The following POLA1 variants were observed in gnomAD, a reference collection of about 807,000 sequenced individuals.
The protein encoded by POLA1 is DNA polymerase alpha 1, catalytic subunit.
Under a neutral mutation model 124.0 loss-of-function variants are expected in POLA1, and 15 were observed. That is an observed-to-expected ratio of 0.12 (90% CI 0.08 to 0.19). The LOEUF is 0.19. POLA1 is among the 10% of genes least tolerant of loss of function. The pLI is 1.00. For missense variants in POLA1, 886 were observed against 1,103.4 expected (o/e 0.80, Z 2.79); for synonymous variants, 408 against 389.4 (o/e 1.05, Z -0.56).
intron 36 of POLA1, among the ~76,000 whole-genome samples, chrX:24,942,743 T>TG (rs2047920641): frequency 8.9e-6 from 1 of 112,025 alleles, no homozygotes; most frequent in African/African-American, 3.2e-5. Context: ...TAGGCTGGAG[T>TG]TCAGTGGCAC....
At chrX:24,917,289 GAA>G (rs754805687) in intron 35 of POLA1, among the ~76,000 whole-genome samples, 2 of 77,484 alleles carry the variant, frequency 2.6e-5, no homozygotes, top group Admixed American at 1.5e-4. Context: ...CCATCTGAAA[GAA>G]AAAAAAAAAA....
chrX:24,984,431 A>C (rs751146402), intron 36 of POLA1, among the ~76,000 whole-genome samples: 8 of 111,895 alleles, frequency 7.1e-5, no homozygotes, highest in Non-Finnish European at 5.6e-5. Context: ...GCCAAGGAAC[A>C]AACTGAAATA....
intron 36 of POLA1, among the ~76,000 whole-genome samples, chrX:24,969,865 A>G (rs184714476): frequency 1.4e-4 from 16 of 110,523 alleles, no homozygotes; most frequent in Admixed American, 1.1e-3. Flanking sequence ...GTTCTTCCCA[A>G]TGTGGCCATG....
intron 26 of POLA1, among the ~76,000 whole-genome samples, chrX:24,761,313 G>A (rs1484752350): frequency 8.9e-6 from 1 of 111,739 alleles, no homozygotes; most frequent in Admixed American, 9.5e-5. Flanking sequence ...GAGTTGAGCG[G>A]AGATGGGAGT....
At chrX:24,982,157 A>G (rs1394624572) in intron 36 of POLA1, among the ~76,000 whole-genome samples, 1 of 109,829 alleles carries the variant, frequency 9.1e-6, no homozygotes, top group Non-Finnish European at 1.9e-5. Flanking sequence ...GCATTATGCC[A>G]GTTCAGCAGC....
intron 35 of POLA1, among the ~76,000 whole-genome samples, chrX:24,902,068 A>G (rs1258703380): frequency 8.9e-6 from 1 of 111,946 alleles, no homozygotes; most frequent in African/African-American, 3.3e-5. Flanking sequence ...GAAAGTCATG[A>G]GAAGCACAGC....
chrX:24,695,976 G>A (rs757366043), intron 1 of POLA1, among the ~76,000 whole-genome samples: 16 of 112,826 alleles, frequency 1.4e-4, no homozygotes, highest in Non-Finnish European at 2.4e-4. Context: ...GCTTTGCTTT[G>A]TTTTTGCCTT....
rs758849481 is a variant in POLA1, at chrX:24,855,749, C to T, written c.4047+12072C>T. ...TCCAACAGTCAAGTAGTCATCCCTA[C>T]GTATACTAGGGGTGGGGGGCAGTGT... On this transcript the variant is annotated intron_variant, in intron 34 of 36. Coordinates refer to ENST00000379068, the MANE Select transcript of POLA1 (RefSeq NM_001330360.2). Among the ~76,000 whole-genome samples, 3 of 111,359 alleles carry T rather than the reference C, an allele frequency of 2.7e-5. No individual in the cohort carries two copies. The South Asian group carries it at 1.1e-3, about 43-fold the overall frequency.
chrX:24,771,832 C>T lies in POLA1; in HGVS notation c.2964+22840C>T, dbSNP rs768389886. Among the ~76,000 whole-genome samples, 162 of 111,375 alleles carry T rather than the reference C, an allele frequency of 1.5e-3. 1 individual carries two copies. Among genetic ancestry groups the T allele is most frequent in the Middle Eastern group, 9.3e-3 (2 of 216 alleles). The stretch of plus-strand genomic sequence containing the variant: ...ATATCAACAGTTTCATGTGATTCAT[C>T]CTAATGGTTTTTATTATTTTTTTCT... On this transcript the variant is annotated intron_variant, in intron 26 of 36. Coordinates refer to ENST00000379068, the MANE Select transcript of POLA1 (RefSeq NM_001330360.2).
chrX:24,716,373 A>G lies in POLA1; in HGVS notation c.537A>G (p.Ile179Met). ...ACCTTTCCTTTTAGACACCTCAAAT[A>G]ACTCCACCACCTGTAATGATACTGA... ...LQDLNTETPQ[I>M]TPPPVMILKK... Residue 179 changes from isoleucine to methionine, a missense_variant, in exon 7 of 37, where the codon ATA becomes ATG. Coordinates refer to ENST00000379068, the MANE Select transcript of POLA1 (RefSeq NM_001330360.2). 1.7e-6 allele frequency: 2 copies of G among 1,162,712 alleles called. No homozygotes were observed. The highest frequency in any genetic ancestry group is 2.3e-6 in the Non-Finnish European group (2 of 851,231).
chrX:24,974,266 G>C (rs1315781531), intron 36 of POLA1, among the ~76,000 whole-genome samples: 1 of 111,341 alleles, frequency 9.0e-6, no homozygotes, highest in Non-Finnish European at 1.9e-5. Context: ...GAAGCAGGAG[G>C]GAGGCTGCTG....
At chrX:24,803,930 TAAAAAAAAAAAAAAA>T (rs34721601) in intron 26 of POLA1, among the ~76,000 whole-genome samples, 656 of 13,898 alleles carry the variant, frequency 0.047, 11 homozygotes, top group African/African-American at 0.18. Context: ...ACCCTAGACT[TAAAAAAAAAAAAAAA>T]AAAAAAAAAA....
At position 24,716,365 on chromosome X, in the gene POLA1, C is replaced by A; in HGVS notation, c.529C>A (p.Pro177Thr). The change falls in exon 7 of 37, where the codon CCT (proline) becomes ACT (threonine). Residue 177 changes from proline (P) to threonine (T), a missense_variant. Pro to Thr is a conservative substitution (Grantham distance 38). Around this residue, in one of 7 missense-constraint regions of POLA1, gnomAD observed 337 missense variants for 402.8 expected, o/e 0.84. Transcript: ENST00000379068. ...TATGTCTTACCTTTCCTTTTAGACA[C>A]CTCAAATAACTCCACCACCTGTAAT... ...DILQDLNTET[P>T]QITPPPVMIL... 1 of 1,131,007 alleles carries A rather than the reference C, an allele frequency of 8.8e-7. No individual in the cohort carries two copies. 93.2% of individuals were successfully genotyped at this position (1,131,007 alleles called of 1,213,427 possible).
At chrX:24,743,485 A>G (rs1269964203) in intron 23 of POLA1, among the ~76,000 whole-genome samples, 156 bp downstream of exon 23, 2 of 112,672 alleles carry the variant, frequency 1.8e-5, no homozygotes, top group Non-Finnish European at 3.7e-5. Context: ...CTTGGTTGCC[A>G]GTCACCTGAC....
chrX:24,931,985 G>A (rs1055357714), intron 36 of POLA1, among the ~76,000 whole-genome samples: 2 of 111,539 alleles, frequency 1.8e-5, no homozygotes, highest in South Asian at 3.8e-4. Context: ...TGCAGCCTCC[G>A]CCTTCTGGGT....
rs1276294427 is a variant in POLA1 at position 24,724,387 on chromosome X, A to T, written c.1253A>T (p.Asp418Val). The T allele has an allele frequency of 4.4e-6, 5 of 1,139,263 alleles. No individual in the cohort carries two copies. In the African/African-American group the frequency reaches 7.2e-5, roughly 16 times the overall value. The allele number at this position is 1,139,263 out of a possible 1,213,427, so 93.9% of individuals were successfully genotyped here. ...ACAGGAACTCCAATTTCAATGAAGG[A>T]TGTTTATGAGGAATTTGATGAGAAA... ...KETGTPISMKDVYEEFDEKIA... is the reference protein window; with the variant it reads ...KETGTPISMKVVYEEFDEKIA... The change falls in exon 12 of 37, where the codon GAT becomes GTT. Residue 418 changes from aspartate (D) to valine (V), a missense_variant. By Grantham distance (152) the Asp-to-Val change is radical. Transcript: ENST00000379068.
intron 29 of POLA1, among the ~76,000 whole-genome samples, chrX:24,814,562 T>G (rs2045960364): frequency 8.9e-6 from 1 of 112,363 alleles, no homozygotes; most frequent in African/African-American, 3.2e-5. Flanking sequence ...AGATGATATC[T>G]TGATATCAGA....
At chrX:24,730,975 TAAATG>T (rs1424832742) in intron 15 of POLA1, among the ~76,000 whole-genome samples, 1 of 112,338 alleles carries the variant, frequency 8.9e-6, no homozygotes, top group Non-Finnish European at 1.9e-5. Context: ...TTCCAGCTAA[TAAATG>T]AAAGATAAAT....
intron 35 of POLA1, among the ~76,000 whole-genome samples, chrX:24,923,257 A>G (rs1425775610): frequency 8.9e-6 from 1 of 111,937 alleles, no homozygotes; most frequent in Non-Finnish European, 1.9e-5. Context: ...CAGCACATTC[A>G]TATTCAATTT....
Sources: allele counts gnomAD v4.1 joint callset (sites outside exome capture counted in the v4.1 genomes callset), GRCh38; gene constraint gnomAD v4.1.1; regional missense constraint gnomAD v4.1.1; transcripts MANE v1.5; gene names NCBI Gene and HGNC (gene_info 2026-07-23, HGNC 2026-07-21).